The following NBAS variants were observed in gnomAD, a reference collection of about 807,000 sequenced individuals.
NBAS encodes NBAS subunit of NRZ tethering complex.
Under a neutral mutation model 302.5 loss-of-function variants are expected in NBAS, and 219 were observed. The ratio of observed to expected loss-of-function variants is 0.72; its 90% CI spans 0.65 to 0.81. The LOEUF (loss-of-function observed/expected upper bound fraction) is 0.81. Ranked by LOEUF, NBAS falls within the 30% of genes least tolerant of loss-of-function variation. The pLI is 0.00. For synonymous variants in NBAS, 1,118 were observed against 1,021.6 expected (o/e 1.09, Z -1.80); for missense variants, 2,932 against 2,841.6 (o/e 1.03, Z -0.72).
At chr2:14,879,184 A>T in the NBAS span, among the ~76,000 whole-genome samples, 703 of 152,280 alleles carry the variant, frequency 4.6e-3, 6 homozygotes, top group African/African-American at 0.016. Flanking sequence ...TGGATATACC[A>T]TAGTTTATCT....
chr2:15,530,175 T>A (rs968012619), intron 9 of NBAS, among the ~76,000 whole-genome samples: 1 of 152,116 alleles, frequency 6.6e-6, no homozygotes, highest in Non-Finnish European at 1.5e-5. Context: ...AAGGAGTAAG[T>A]TAACAGTATT....
At chr2:15,032,867 C>G in the NBAS span, among the ~76,000 whole-genome samples, 3 of 152,324 alleles carry the variant, frequency 2.0e-5, no homozygotes, top group South Asian at 2.1e-4. Flanking sequence ...AAAACATGCT[C>G]TATTCTTCAA....
At chr2:15,254,924 G>A (rs1668523461) in intron 44 of NBAS, among the ~76,000 whole-genome samples, 1 of 151,848 alleles carries the variant, frequency 6.6e-6, no homozygotes, top group Admixed American at 6.6e-5. Flanking sequence ...GTGTGTGTGT[G>A]TGCACACGTG....
At chr2:15,233,583 T>C (rs1667468683) in intron 46 of NBAS, among the ~76,000 whole-genome samples, 1 of 152,208 alleles carries the variant, frequency 6.6e-6, no homozygotes, top group Admixed American at 6.5e-5. Context: ...TGTCATCATT[T>C]GAAAGAGGAC....
chr2:15,531,367 C>T (rs1663206604), intron 9 of NBAS, among the ~76,000 whole-genome samples: 1 of 152,046 alleles, frequency 6.6e-6, no homozygotes, highest in Non-Finnish European at 1.5e-5. Flanking sequence ...CTGAGATCTC[C>T]ATCCATGGCC....
intron 40 of NBAS, among the ~76,000 whole-genome samples, chr2:15,299,087 G>T (rs890973607): frequency 6.6e-6 from 1 of 152,138 alleles, no homozygotes; most frequent in Non-Finnish European, 1.5e-5. Context: ...TGACGCATGG[G>T]TATGAAAGCT....
chr2:14,793,888 G>T, the NBAS span, among the ~76,000 whole-genome samples: 5 of 151,976 alleles, frequency 3.3e-5, no homozygotes, highest in Non-Finnish European at 7.4e-5. Context: ...AGGTTAGAAG[G>T]AAAAGGCACA....
At chr2:15,443,532 C>T (rs1387964618) in intron 21 of NBAS, among the ~76,000 whole-genome samples, 3 of 151,212 alleles carry the variant, frequency 2.0e-5, no homozygotes, top group Admixed American at 1.3e-4. Flanking sequence ...TATGACAAAC[C>T]CACAGCCAAT....
intron 47 of NBAS, among the ~76,000 whole-genome samples, chr2:15,220,981 TTAAGAA>T (rs1234901686): frequency 6.6e-6 from 1 of 152,188 alleles, no homozygotes; most frequent in Non-Finnish European, 1.5e-5. Flanking sequence ...TTATTTGTAT[TTAAGAA>T]TAAGTGAAAC....
At chr2:15,141,395 C>A in the NBAS span, among the ~76,000 whole-genome samples, 1 of 152,178 alleles carries the variant, frequency 6.6e-6, no homozygotes, top group Non-Finnish European at 1.5e-5. Context: ...GTTTTACAGA[C>A]GACAACAGTG....
At chr2:14,880,978 G>A in the NBAS span, among the ~76,000 whole-genome samples, 1 of 151,620 alleles carries the variant, frequency 6.6e-6, no homozygotes, top group South Asian at 2.1e-4. Flanking sequence ...AATCAGATTG[G>A]CATCAGACTT....
the NBAS span, among the ~76,000 whole-genome samples, chr2:14,888,376 C>T: frequency 3.2e-3 from 494 of 152,200 alleles, no homozygotes; most frequent in Non-Finnish European, 4.8e-3. Context: ...AGTGATCCAC[C>T]TGCTTTGGCC....
At chr2:14,943,788 T>C in the NBAS span, among the ~76,000 whole-genome samples, 5 of 152,186 alleles carry the variant, frequency 3.3e-5, no homozygotes, top group Non-Finnish European at 5.9e-5. Context: ...CTATTTTTAT[T>C]AATTTTTTAA....
At chr2:15,432,614 T>TG (rs1677819489) in intron 21 of NBAS, among the ~76,000 whole-genome samples, 2 of 152,192 alleles carry the variant, frequency 1.3e-5, no homozygotes, top group South Asian at 4.1e-4. Context: ...AAATAGACAG[T>TG]GTATTACTCG....
intron 38 of NBAS, among the ~76,000 whole-genome samples, chr2:15,312,528 C>T (rs768277537): frequency 2.6e-5 from 4 of 152,132 alleles, no homozygotes; most frequent in African/African-American, 7.2e-5. Context: ...CCTCCTGCCT[C>T]GAATTCCCAA....
intron 38 of NBAS, among the ~76,000 whole-genome samples, chr2:15,312,758 A>C (rs1412413381): frequency 1.3e-5 from 2 of 152,190 alleles, no homozygotes; most frequent in Admixed American, 6.5e-5. Context: ...TTATTTTCCC[A>C]ATAAACTAAA....
intron 22 of NBAS, 42 bp from the exon 23 acceptor site, chr2:15,424,510 T>C (rs755993722): frequency 1.9e-6 from 3 of 1,606,960 alleles, no homozygotes; most frequent in African/African-American, 2.7e-5. Flanking sequence ...GACTAGAATG[T>C]TGGAAAAACA....
chr2:15,175,060 G>A (rs1000021439), intron 51 of NBAS, among the ~76,000 whole-genome samples: 4 of 152,112 alleles, frequency 2.6e-5, no homozygotes, highest in Admixed American at 1.3e-4. Flanking sequence ...TCCACCTCCC[G>A]GGTCCACACC....
At chr2:15,292,915 G>T in intron 40 of NBAS, 149 bp from the exon 41 acceptor site, 1 of 800,336 alleles carries the variant, frequency 1.2e-6, no homozygotes, top group Non-Finnish European at 2.1e-6. Context: ...GCCCTGAAAA[G>T]TCAGTTGCAG....
Sources: gnomAD v4.1 joint callset for allele counts (sites outside exome capture counted in the v4.1 genomes callset) on GRCh38, gnomAD v4.1.1 for gene constraint, MANE v1.5 for transcripts, NCBI Gene and HGNC (gene_info 2026-07-23, HGNC 2026-07-21) for gene names.